Variants in EPB41L3 observed in about 807,000 individuals in gnomAD.
EPB41L3 encodes the protein erythrocyte membrane protein band 4.1 like 3.
In EPB41L3, 57 loss-of-function variants were observed where a neutral mutation model predicts 127.1. The ratio of observed to expected loss-of-function variants is 0.45; its 90% CI spans 0.36 to 0.56. The LOEUF is 0.56. Ranked by LOEUF, EPB41L3 falls within the 20% of genes least tolerant of loss-of-function variation. The pLI is 0.00. For missense variants in EPB41L3, 1,273 were observed against 1,372.2 expected (o/e 0.93, Z 1.14); for synonymous variants, 572 against 549.5 (o/e 1.04, Z -0.57).
upstream of EPB41L3, among the ~76,000 whole-genome samples, chr18:5,629,415 C>CCACACACACA (rs61034629): frequency 0.011 from 1,625 of 143,808 alleles, 15 homozygotes; most frequent in East Asian, 0.031. Context: ...TCCTTACACA[C>CCACACACACA]CACACACACA....
At chr18:5,587,580 G>GT (rs1440466969) in intron 3 of EPB41L3, among the ~76,000 whole-genome samples, 2 of 152,156 alleles carry the variant, frequency 1.3e-5, no homozygotes, top group African/African-American at 4.8e-5. Context: ...GGGCACTACT[G>GT]TATTTGGAAG....
At chr18:5,426,883 AAT>A (rs1195261864) in intron 9 of EPB41L3, among the ~76,000 whole-genome samples, 1 of 152,214 alleles carries the variant, frequency 6.6e-6, no homozygotes. Context: ...ATCTTTAGGA[AAT>A]ATTTTTAAAA....
At chr18:5,591,964 A>G (rs931111012) in intron 3 of EPB41L3, among the ~76,000 whole-genome samples, 1 of 152,172 alleles carries the variant, frequency 6.6e-6, no homozygotes, top group African/African-American at 2.4e-5. Context: ...TCTTTCCTAT[A>G]AAGAAACTCT....
intron 3 of EPB41L3, among the ~76,000 whole-genome samples, chr18:5,575,565 T>C (rs1225093032): frequency 6.6e-6 from 1 of 152,102 alleles, no homozygotes; most frequent in Non-Finnish European, 1.5e-5. Flanking sequence ...GGCCCGGTGC[T>C]GTGGCTCATG....
At chr18:5,529,960 G>GTGTGTT (rs1491031039) in intron 1 of EPB41L3, among the ~76,000 whole-genome samples, 1 of 143,354 alleles carries the variant, frequency 7.0e-6, no homozygotes, top group African/African-American at 2.6e-5. Context: ...GTGTGTGTGT[G>GTGTGTT]TATCTCAGGG....
At chr18:5,424,488 G>T in intron 9 of EPB41L3, 129 bp from the exon 10 acceptor site, 1 of 645,798 alleles carries the variant, frequency 1.5e-6, no homozygotes, top group South Asian at 2.3e-5. Flanking sequence ...ATTGCTATAT[G>T]CATAATTCAT....
intron 1 of EPB41L3, among the ~76,000 whole-genome samples, chr18:5,514,639 A>G (rs2092680619): frequency 6.6e-6 from 1 of 152,196 alleles, no homozygotes; most frequent in Non-Finnish European, 1.5e-5. Flanking sequence ...GAGAAACAAT[A>G]TATTTTCAAA....
rs1266904792 is a variant in EPB41L3 at position 5,543,841 on chromosome 18, G to C, written c.-12+72C>G. 1 of 978,758 alleles carries C rather than the reference G, an allele frequency of 1.0e-6. No homozygotes were observed. The highest frequency in any genetic ancestry group is 1.2e-6 in the Non-Finnish European group (1 of 824,104). The allele number at this position is 978,758 out of a possible 1,614,324, so 60.6% of individuals were successfully genotyped here. A position where few individuals can be genotyped will look rare whatever the true frequency, so the allele number is the denominator to read the frequency against. On this transcript the variant is annotated intron_variant, in intron 1 of 22. Transcript: ENST00000341928. This position sits in a 1 kb window ranked among gnomAD's most constrained non-coding sequence, Gnocchi z 5.2. ...TCCCGCGCGCCTCGCCCCAGGCCTC[G>C]GGCTCTTCCTCCGCACCTCGTAAAG...
chr18:5,547,057 A>ACTACTTG (rs1385439034), upstream of EPB41L3, among the ~76,000 whole-genome samples: 40 of 152,120 alleles, frequency 2.6e-4, no homozygotes, highest in Non-Finnish European at 7.4e-5. Context: ...ATCACCTCTT[A>ACTACTTG]CTAAGTAAAA....
Position 5,543,874 on chromosome 18 carries a change from C to A in EPB41L3, c.-12+39G>T. The A allele has an allele frequency of 7.1e-6, 7 of 985,544 alleles. No homozygotes were observed. The highest frequency in any genetic ancestry group is 8.4e-6 in the Non-Finnish European group (7 of 830,006). The allele number at this position is 985,544 out of a possible 1,614,324, so 61.0% of individuals were successfully genotyped here. ...CCTCCGCACCTCGTAAAGCCGAGAC[C>A]CCCTCGCAGTCCCCCACTCCGAGAG... On this transcript the variant is annotated intron_variant, in intron 1 of 22. Transcript: ENST00000341928. This position sits in a 1 kb window ranked among gnomAD's most constrained non-coding sequence, Gnocchi z 5.2.
chr18:5,446,144 A>G (rs975422612), intron 3 of EPB41L3, among the ~76,000 whole-genome samples: 7 of 152,178 alleles, frequency 4.6e-5, no homozygotes, highest in Admixed American at 2.0e-4. Flanking sequence ...AAATTTCATT[A>G]TTTTTGTTTT....
rs1598613127 is a variant in EPB41L3, at chr18:5,412,958, T to C, written c.2068-2339A>G. 1.3e-5 allele frequency among the ~76,000 whole-genome samples: 2 copies of C among 152,032 alleles called. 1 individual carries two copies. Among genetic ancestry groups the C allele is most frequent in the Middle Eastern group, 6.8e-3 (2 of 294 alleles). On this transcript the variant is annotated intron_variant, in intron 13 of 22. Transcript: ENST00000341928. The stretch of plus-strand genomic sequence containing the variant: ...ATACACAAATAGCATAGTCCACATA[T>C]AAAATTTCTTGAATTCCTACTTAGC...
intron 9 of EPB41L3, among the ~76,000 whole-genome samples, chr18:5,427,917 T>A (rs2078441944): frequency 6.6e-6 from 1 of 152,052 alleles, no homozygotes; most frequent in Admixed American, 6.5e-5. Context: ...GGCTAATTTT[T>A]TGTATATTTA....
At chr18:5,561,322 C>T (rs563930931) in intron 3 of EPB41L3, among the ~76,000 whole-genome samples, 2 of 152,194 alleles carry the variant, frequency 1.3e-5, no homozygotes, top group South Asian at 4.2e-4. Context: ...CAGCCTGGAG[C>T]ATCCTTTTGG....
At chr18:5,484,941 CA>C (rs200783747) in intron 2 of EPB41L3, among the ~76,000 whole-genome samples, 74 of 141,138 alleles carry the variant, frequency 5.2e-4, no homozygotes, top group Admixed American at 7.8e-4. Flanking sequence ...TTAAACTCTT[CA>C]AAAAAAAAAA....
chr18:5,599,875 G>A (rs200780447), intron 3 of EPB41L3, among the ~76,000 whole-genome samples: 4 of 152,072 alleles, frequency 2.6e-5, no homozygotes, highest in African/African-American at 4.8e-5. Context: ...CTTTAGAGAC[G>A]TATTTATATT....
intron 13 of EPB41L3, among the ~76,000 whole-genome samples, chr18:5,412,382 T>C (rs971961225): frequency 1.3e-5 from 2 of 151,964 alleles, no homozygotes; most frequent in African/African-American, 4.8e-5. Context: ...CATGCCACCA[T>C]GCCTGGCTAA....
rs549035069 is a variant in EPB41L3, at chr18:5,625,934, T to C, written c.-468+2988A>G. ...TTTATTTCAAAGTCCCCAATGTAAG[T>C]TCTACCATGCTTTTTTTTTTTTGTC... On this transcript the variant is annotated intron_variant, in intron 1 of 21. Transcript: ENST00000545076. Among the ~76,000 whole-genome samples the C allele has an allele frequency of 4.3e-4, 65 of 151,380 alleles. No homozygotes were observed. In the South Asian group the frequency reaches 0.013, roughly 31 times the overall value.
At chr18:5,598,197 C>T (rs2094555514) in intron 3 of EPB41L3, among the ~76,000 whole-genome samples, 1 of 152,164 alleles carries the variant, frequency 6.6e-6, no homozygotes, top group Non-Finnish European at 1.5e-5. Context: ...AGATACTCTT[C>T]CCTTTTCCAG....
Sources: allele counts gnomAD v4.1 joint callset (sites outside exome capture counted in the v4.1 genomes callset), GRCh38; gene constraint gnomAD v4.1.1; non-coding constraint Gnocchi (gnomAD v3.1); transcripts MANE v1.5; gene names NCBI Gene and HGNC (gene_info 2026-07-23, HGNC 2026-07-21).